RCAN2: variants seen among roughly 807,000 people sequenced by gnomAD.
The protein encoded by RCAN2 is calcipressin-2.
A neutral mutation model predicts 23.6 loss-of-function variants in RCAN2; 9 were observed. That is an observed-to-expected ratio of 0.38 (90% confidence interval 0.23 to 0.67). RCAN2 has a LOEUF of 0.67. RCAN2 is among the 30% of genes least tolerant of loss of function. RCAN2 has a pLI of 0.51. For synonymous variants in RCAN2, 109 were observed against 115.7 expected, an observed-to-expected ratio of 0.94 and a Z score of 0.37; for missense variants, 273 against 302.3, an observed-to-expected ratio of 0.90 and a Z score of 0.72.
intron 2 of RCAN2, among the ~76,000 whole-genome samples, chr6:46,283,531 G>A (rs1762270361): frequency 6.6e-6 from 1 of 152,124 alleles, no homozygotes; most frequent in African/African-American, 2.4e-5. Context: ...CAGAGGAAAA[G>A]TGACTTATAC....
At chr6:46,322,802 T>C (rs896405717) in intron 2 of RCAN2, among the ~76,000 whole-genome samples, 1 of 152,244 alleles carries the variant, frequency 6.6e-6, no homozygotes, top group Non-Finnish European at 1.5e-5. Context: ...TTATTAGTAA[T>C]GAATGAAGAA....
At chr6:46,325,501 A>G (rs369818509) in intron 2 of RCAN2, 1 of 1,613,608 alleles carries the variant, frequency 6.2e-7, no homozygotes, top group African/African-American at 1.3e-5. Flanking sequence ...AATTTTTAAT[A>G]AAGAGTTAGG....
chr6:46,299,513 C>T (rs985634396), intron 2 of RCAN2, among the ~76,000 whole-genome samples: 1 of 152,022 alleles, frequency 6.6e-6, no homozygotes, highest in Admixed American at 6.6e-5. Flanking sequence ...CACTACCATC[C>T]TGTCCTGAGA....
At chr6:46,468,407 T>C (rs1175511474) in intron 1 of RCAN2, among the ~76,000 whole-genome samples, 1 of 152,134 alleles carries the variant, frequency 6.6e-6, no homozygotes, top group Non-Finnish European at 1.5e-5. Context: ...TTAATCACAA[T>C]TTTCCAACTT....
At chr6:46,407,747 T>C (rs1766442134) in intron 2 of RCAN2, among the ~76,000 whole-genome samples, 1 of 152,240 alleles carries the variant, frequency 6.6e-6, no homozygotes, top group Non-Finnish European at 1.5e-5. Context: ...GATTTTATAA[T>C]TTTATATTTA....
intron 4 of RCAN2, among the ~76,000 whole-genome samples, chr6:46,243,888 A>G (rs78879874): frequency 0.041 from 6,170 of 150,954 alleles, 403 homozygotes; most frequent in African/African-American, 0.14. Flanking sequence ...GCCAGAGTTG[A>G]AGCAGAGCAG....
At chr6:46,292,495 C>A (rs1582073228) in intron 2 of RCAN2, among the ~76,000 whole-genome samples, 1 of 119,978 alleles carries the variant, frequency 8.3e-6, no homozygotes, top group Admixed American at 8.5e-5. Context: ...TTTCCAATTT[C>A]CCTTTTAGAG....
chr6:46,398,925 T>C (rs959308936), intron 2 of RCAN2, among the ~76,000 whole-genome samples: 8 of 150,792 alleles, frequency 5.3e-5, no homozygotes, highest in Non-Finnish European at 8.9e-5. Flanking sequence ...TATATATATA[T>C]ACATATATAT....
At chr6:46,426,170 A>G (rs1767026796) in intron 2 of RCAN2, among the ~76,000 whole-genome samples, 1 of 152,120 alleles carries the variant, frequency 6.6e-6, no homozygotes, top group Admixed American at 6.5e-5. Context: ...AAGTGCTGGG[A>G]TTACAGGCAT....
chr6:46,315,446 G>C (rs1763401555), intron 2 of RCAN2, among the ~76,000 whole-genome samples: 1 of 152,194 alleles, frequency 6.6e-6, no homozygotes, highest in Non-Finnish European at 1.5e-5. Flanking sequence ...TCTATGATGA[G>C]TGAGGAGCAA....
chr6:46,339,950 AC>A (rs1277433039), intron 2 of RCAN2, among the ~76,000 whole-genome samples: 2 of 152,180 alleles, frequency 1.3e-5, no homozygotes, highest in African/African-American at 4.8e-5. Flanking sequence ...TACATAATGT[AC>A]ATGAATCCAT....
At chr6:46,445,726 T>C (rs963991753) in intron 2 of RCAN2, among the ~76,000 whole-genome samples, 9 of 152,190 alleles carry the variant, frequency 5.9e-5, no homozygotes, top group Admixed American at 1.3e-4. Context: ...ATACGAGATG[T>C]TGAATTATTA....
intron 2 of RCAN2, among the ~76,000 whole-genome samples, chr6:46,302,934 G>T (rs1241361073): frequency 6.6e-6 from 1 of 151,996 alleles, no homozygotes; most frequent in Non-Finnish European, 1.5e-5. Flanking sequence ...TTAGAGCAGG[G>T]TTTCAAACCC....
chr6:46,236,658 A>G (rs1766110893), intron 4 of RCAN2, among the ~76,000 whole-genome samples: 3 of 152,188 alleles, frequency 2.0e-5, no homozygotes, highest in Admixed American at 2.0e-4. Flanking sequence ...TTACTAACAT[A>G]CTTGAGTGAT....
chr6:46,429,834 G>C (rs1767136253), intron 2 of RCAN2, among the ~76,000 whole-genome samples: 1 of 152,184 alleles, frequency 6.6e-6, no homozygotes, highest in Non-Finnish European at 1.5e-5. Context: ...GAACTAACGA[G>C]GTCTTGCACT....
chr6:46,446,487 T>C (rs1487127283), intron 2 of RCAN2, among the ~76,000 whole-genome samples: 1 of 152,166 alleles, frequency 6.6e-6, no homozygotes, highest in Non-Finnish European at 1.5e-5. Context: ...GGATGCTAAT[T>C]AGTAATACAG....
At chr6:46,348,010 G>A (rs1004581938) in intron 2 of RCAN2, among the ~76,000 whole-genome samples, 4 of 152,206 alleles carry the variant, frequency 2.6e-5, no homozygotes, top group Admixed American at 6.5e-5. Flanking sequence ...CAGCGTGGCC[G>A]AGTACAGGAC....
intron 4 of RCAN2, among the ~76,000 whole-genome samples, chr6:46,233,582 C>CT (rs1765974031): frequency 1.3e-5 from 2 of 152,162 alleles, no homozygotes; most frequent in Non-Finnish European, 2.9e-5. Context: ...CCAGAGAATT[C>CT]GGAGATCTCA....
intron 4 of RCAN2, among the ~76,000 whole-genome samples, chr6:46,238,144 T>G (rs1000102026): frequency 1.3e-5 from 2 of 152,146 alleles, no homozygotes; most frequent in African/African-American, 4.8e-5. Flanking sequence ...TGTCTTCCCC[T>G]AGTTTTCTAA....
Sources: gnomAD v4.1 joint callset for allele counts (sites outside exome capture counted in the v4.1 genomes callset) on GRCh38, gnomAD v4.1.1 for gene constraint, MANE v1.5 for transcripts, NCBI Gene and HGNC (gene_info 2026-07-23, HGNC 2026-07-21) for gene names.